COMMD10: variants seen among roughly 807,000 people sequenced by gnomAD.
COMMD10 encodes COMM domain containing 10, also known as COMM domain-containing protein 10.
A neutral mutation model predicts 28.9 loss-of-function variants in COMMD10; 33 were observed. The observed-to-expected ratio is 1.14, with a 90% confidence interval of 0.87 to 1.53. The LOEUF (loss-of-function observed/expected upper bound fraction) is 1.53. Ranked by LOEUF, COMMD10 falls within the 40% of genes most tolerant of loss-of-function variation. COMMD10 has a pLI of 0.00. For synonymous variants in COMMD10, 110 were observed against 81.7 expected, an observed-to-expected ratio of 1.35 and a Z score of -1.87; for missense variants, 310 against 233.4, an observed-to-expected ratio of 1.33 and a Z score of -2.14.
chr5:116,112,257 C>G (rs552471638), intron 4 of COMMD10, among the ~76,000 whole-genome samples: 14 of 152,184 alleles, frequency 9.2e-5, no homozygotes, highest in Admixed American at 2.0e-4. Flanking sequence ...TATGCTTTAT[C>G]TGATAAAAAT....
In COMMD10 at chr5:116,155,311, G is replaced by A. The variant is rs189720190; in HGVS notation, c.510+21133G>A. ...AAGTTTCTATTAACTGATGACTTGG[G>A]TTGTTTGTGCATTGTCCTTATGTTT... On this transcript the variant is annotated intron_variant, in intron 5 of 6. Coordinates refer to ENST00000274458, the MANE Select transcript of COMMD10 (RefSeq NM_016144.4). Among the ~76,000 whole-genome samples the A allele has an allele frequency of 1.9e-3, 290 of 152,150 alleles. 3 individuals are homozygous for A. Among genetic ancestry groups the A allele is most frequent in the African/African-American group, 6.6e-3 (273 of 41,554 alleles).
chr5:116,114,324 T>C (rs1270309284), intron 4 of COMMD10, among the ~76,000 whole-genome samples: 1 of 152,070 alleles, frequency 6.6e-6, no homozygotes, highest in Middle Eastern at 3.2e-3. Flanking sequence ...TCATGAGCTC[T>C]TGGGTAGCTG....
intron 5 of COMMD10, among the ~76,000 whole-genome samples, chr5:116,286,500 T>A (rs1392339402): frequency 6.6e-6 from 1 of 151,582 alleles, no homozygotes; most frequent in Non-Finnish European, 1.5e-5. Flanking sequence ...ACTTAACAGC[T>A]ATAAACTTAA....
intron 4 of COMMD10, among the ~76,000 whole-genome samples, chr5:116,110,647 CTT>C (rs767698122): frequency 3.9e-5 from 6 of 152,098 alleles, no homozygotes; most frequent in Non-Finnish European, 8.8e-5. Context: ...GACTGGGTAA[CTT>C]ATAAAGAAAA....
At chr5:116,197,328 C>T (rs957834802) in intron 5 of COMMD10, among the ~76,000 whole-genome samples, 5 of 152,046 alleles carry the variant, frequency 3.3e-5, no homozygotes, top group Non-Finnish European at 4.4e-5. Flanking sequence ...GCAAACAATA[C>T]ATGAAATTAC....
intron 4 of COMMD10, among the ~76,000 whole-genome samples, chr5:116,123,450 G>C (rs1426585648): frequency 6.6e-6 from 1 of 152,138 alleles, no homozygotes; most frequent in Non-Finnish European, 1.5e-5. Context: ...ACTTTTTGAC[G>C]TGCTGCTGGA....
chr5:116,171,209 C>T (rs1302545585), intron 5 of COMMD10, among the ~76,000 whole-genome samples: 1 of 152,130 alleles, frequency 6.6e-6, no homozygotes, highest in African/African-American at 2.4e-5. Flanking sequence ...TTTATGCAGC[C>T]AGCAGACATA....
chr5:116,159,417 A>G (rs1193732180), intron 5 of COMMD10, among the ~76,000 whole-genome samples: 1 of 152,130 alleles, frequency 6.6e-6, no homozygotes, highest in Non-Finnish European at 1.5e-5. Context: ...TTAGGTCTCT[A>G]CTCAAGTATC....
chr5:116,289,471 G>A (rs1751308181), intron 5 of COMMD10, among the ~76,000 whole-genome samples: 1 of 151,738 alleles, frequency 6.6e-6, no homozygotes, highest in African/African-American at 2.4e-5. Flanking sequence ...TGCTCCCTCT[G>A]GCACCTGCCC....
In COMMD10 at chr5:116,108,815, C is replaced by A. The variant is rs145230896; in HGVS notation, c.399+16115C>A. ...CAGTTTTATGCTTGAAACCCAGGGC[C>A]TAGGTGGCATAGGCACCCGAGGGAA... On this transcript the variant is annotated intron_variant, in intron 4 of 6. Coordinates refer to ENST00000274458, the MANE Select transcript of COMMD10 (RefSeq NM_016144.4). 2.5e-3 allele frequency among the ~76,000 whole-genome samples: 373 copies of A among 152,236 alleles called. 1 individual carries two copies. Among genetic ancestry groups the A allele is most frequent in the African/African-American group, 8.0e-3 (332 of 41,530 alleles).
chr5:116,257,086 G>A (rs371063356), intron 5 of COMMD10, among the ~76,000 whole-genome samples: 1 of 151,682 alleles, frequency 6.6e-6, no homozygotes, highest in Non-Finnish European at 1.5e-5. Context: ...TTTTAGGTAA[G>A]AAGAAATATT....
In COMMD10 at chr5:116,204,145, G is replaced by A. The variant is rs544080028; in HGVS notation, c.510+69967G>A. On this transcript the variant is annotated intron_variant, in intron 5 of 6. Transcript: ENST00000274458. ...ACAAAGATCAAAAGAGACAAAGAAG[G>A]CCATTACATCATGGTAAAGGGATCA... 3.3e-5 allele frequency among the ~76,000 whole-genome samples: 5 copies of A among 152,074 alleles called. No homozygotes were observed. In the East Asian group the frequency reaches 9.6e-4, roughly 29 times the overall value.
rs138583069 is a variant in COMMD10 at position 116,129,286 on chromosome 5, G to T, written c.400-4782G>T. ...TTAATCTGTAAAATGGGGGTAATAAGCGTTACCTGTCTCACAGGGTTGTTA... is the reference window on the plus strand; with the variant it reads ...TTAATCTGTAAAATGGGGGTAATAATCGTTACCTGTCTCACAGGGTTGTTA... On this transcript the variant is annotated intron_variant, in intron 4 of 6. Transcript: ENST00000274458. 2.0e-3 allele frequency among the ~76,000 whole-genome samples: 293 copies of T among 149,598 alleles called. 2 individuals carry two copies. The highest frequency in any genetic ancestry group is 6.7e-3 in the African/African-American group (276 of 40,954).
intron 5 of COMMD10, among the ~76,000 whole-genome samples, chr5:116,138,464 C>T (rs368096192): frequency 6.6e-6 from 1 of 151,908 alleles, no homozygotes; most frequent in African/African-American, 2.4e-5. Context: ...CTGACACCAA[C>T]ACTTTAACTT....
chr5:116,129,332 T>G (rs894194991), intron 4 of COMMD10, among the ~76,000 whole-genome samples: 45 of 147,100 alleles, frequency 3.1e-4, no homozygotes, highest in Non-Finnish European at 5.1e-4. Flanking sequence ...TCTTCTTTTT[T>G]GTATATATAG....
rs558227830 is a variant in COMMD10 at position 116,286,469 on chromosome 5, T to C, written c.511-5048T>C. Among the ~76,000 whole-genome samples the C allele has an allele frequency of 1.7e-4, 25 of 151,386 alleles. 1 individual carries two copies. In the East Asian group the frequency reaches 4.6e-3, roughly 28 times the overall value. Reference sequence around the variant, plus strand: ...AAAGTTAGGTTGTTAAGTTGAGATATATATGTATTTTACATTATACACTTA... The same window carrying C: ...AAAGTTAGGTTGTTAAGTTGAGATACATATGTATTTTACATTATACACTTA... On this transcript the variant is annotated intron_variant, in intron 5 of 6. Coordinates refer to ENST00000274458, the MANE Select transcript of COMMD10 (RefSeq NM_016144.4).
rs3073081 is a variant in COMMD10, at chr5:116,225,354, A to ATTTT, written c.511-66149_511-66146dup. On this transcript the variant is annotated intron_variant, in intron 5 of 6. Transcript: ENST00000274458. Reference sequence around the variant, plus strand: ...GACTTTCCTGTTTGTTTTTTTGGGGATTTTTTTTTTTTTTTTTGCATATGT... The same window carrying ATTTT: ...GACTTTCCTGTTTGTTTTTTTGGGGATTTTTTTTTTTTTTTTTTTTTGCATATGT... Among the ~76,000 whole-genome samples, 713 of 132,320 alleles carry ATTTT rather than the reference A, an allele frequency of 5.4e-3. 10 individuals are homozygous for ATTTT. The highest frequency in any genetic ancestry group is 0.018 in the East Asian group (81 of 4,560). The allele number at this position is 132,320 out of a possible 152,430, so 86.8% of individuals were successfully genotyped here. A position where few individuals can be genotyped will look rare whatever the true frequency, so the allele number is the denominator to read the frequency against.
intron 5 of COMMD10, among the ~76,000 whole-genome samples, chr5:116,152,533 A>T (rs566076566): frequency 3.3e-5 from 5 of 151,994 alleles, no homozygotes; most frequent in Non-Finnish European, 7.4e-5. Flanking sequence ...AAAGTCTACA[A>T]ATAGCCTCAA....
intron 5 of COMMD10, among the ~76,000 whole-genome samples, chr5:116,283,314 C>G (rs986072565): frequency 6.6e-6 from 1 of 151,538 alleles, no homozygotes; most frequent in Non-Finnish European, 1.5e-5. Context: ...GTATGTATAT[C>G]AATATCTTGG....
Sources: allele counts gnomAD v4.1 joint callset (sites outside exome capture counted in the v4.1 genomes callset), GRCh38; gene constraint gnomAD v4.1.1; transcripts MANE v1.5; gene names NCBI Gene and HGNC (gene_info 2026-07-23, HGNC 2026-07-21).